FLG: variants seen among roughly 807,000 people sequenced by gnomAD.
FLG encodes filaggrin, also known as epidermal filaggrin.
In FLG, 6 loss-of-function variants were observed where a neutral mutation model predicts 3.8. That is an observed-to-expected ratio of 1.60 (90% CI 0.87 to 3.15). The LOEUF is 3.15. Ranked by LOEUF, FLG falls within the 30% of genes most tolerant of loss-of-function variation. The pLI, the probability that FLG is intolerant of heterozygous loss-of-function variation, is 0.00. For synonymous variants in FLG, 2,551 were observed against 1,931.6 expected, an observed-to-expected ratio of 1.32 and a Z score of -8.41; for missense variants, 7,595 against 5,050.9, an observed-to-expected ratio of 1.50 and a Z score of -15.27.
In FLG at chr1:152,304,516, G is replaced by T. The variant is rs1293043005; in HGVS notation, c.10370C>A (p.Ser3457Tyr). ...GSHYEQSVDR[S>Y]GHSGSHHSHT... ...GCTGTGATGGGACCCTGAGTGTCCA[G>T]ACCTATCTACCGATTGCTCGTAGTG... Residue 3457 changes from serine to tyrosine, a missense_variant, in exon 3 of 3, where the codon TCT becomes TAT. Transcript: ENST00000368799. 1.2e-6 allele frequency: 2 copies of T among 1,612,620 alleles called. No homozygotes were observed. The highest frequency in any genetic ancestry group is 1.7e-5 in the Admixed American group (1 of 59,880).
At position 152,313,886 on chromosome 1, in the gene FLG, TG is replaced by T; in HGVS notation, c.999del (p.Arg334AspfsTer112). On this transcript the variant is annotated frameshift_variant, in exon 3 of 3. Transcript: ENST00000368799. LOFTEE classifies it low-confidence loss of function (END_TRUNC). ...TCTTCATCATGGGACCTGGGGTGTC[TG>T]GAGCCATCTCTTGACTGCTCCCACG... ...GSAWEQSRDG[S>X]RHPRSHDEDR... 1 of 1,614,056 alleles carries T rather than the reference TG, an allele frequency of 6.2e-7. No homozygotes were observed. The highest frequency in any genetic ancestry group is 8.5e-7 in the Non-Finnish European group (1 of 1,179,988).
At position 152,304,631 on chromosome 1, in the gene FLG, G is replaced by C. The variant is rs143418984; in HGVS notation, c.10255C>G (p.Arg3419Gly). Residue 3419 changes from arginine (R) to glycine (G), a missense_variant, in exon 3 of 3, where the codon CGA (arginine) becomes GGA (glycine). Transcript: ENST00000368799. Reference protein sequence around the residue: ...RRQGSHHEQARDSSRHSASQE... With the variant: ...RRQGSHHEQAGDSSRHSASQE... Reference sequence around the variant, plus strand: ...GACGCTGAGTGCCTGGAGCTGTCTCGTGCCTGCTCGTGGTGGGATCCTTGT... The same window carrying C: ...GACGCTGAGTGCCTGGAGCTGTCTCCTGCCTGCTCGTGGTGGGATCCTTGT... 1.1e-5 allele frequency: 17 copies of C among 1,612,388 alleles called. No homozygotes were observed. The highest frequency in any genetic ancestry group is 2.2e-5 in the East Asian group (1 of 44,592).
chr1:152,311,649 C>T lies in FLG; in HGVS notation c.3237G>A (p.Glu1079=), dbSNP rs146139331. ...SQASDSEGHS[E]ESDTQSVSGH... The stretch of plus-strand genomic sequence containing the variant: ...CTGACACTGACTGTGTGTCTGACTC[C>T]TCTGAATGTCCCTCACTATCACTGG... Residue 1079 remains glutamate, a synonymous_variant, in exon 3 of 3, where the codon GAG becomes GAA. Coordinates refer to ENST00000368799, the MANE Select transcript of FLG (RefSeq NM_002016.2). 688 of 1,613,950 alleles carry T rather than the reference C, an allele frequency of 4.3e-4. 1 individual carries two copies. The highest frequency in any genetic ancestry group is 5.2e-4 in the Non-Finnish European group (614 of 1,179,978).
chr1:152,316,662 A>G (rs1194323392), intron 1 of FLG, among the ~76,000 whole-genome samples: 12 of 152,138 alleles, frequency 7.9e-5, no homozygotes, highest in Non-Finnish European at 4.4e-5. Context: ...TTATGATGAT[A>G]TTGTATTCTC....
Position 152,303,880 on chromosome 1 carries a change from C to A in FLG, c.11006G>T (p.Gly3669Val), listed in dbSNP as rs1272028425. The A allele has an allele frequency of 6.2e-7, 1 of 1,613,836 alleles. No homozygotes were observed. Among genetic ancestry groups the A allele is most frequent in the East Asian group, 2.2e-5 (1 of 44,754 alleles). Residue 3669 changes from glycine to valine, a missense_variant, in exon 3 of 3, where the codon GGA becomes GTA. Gly to Val is a moderately radical substitution (Grantham distance 109). Transcript: ENST00000368799. Reference protein sequence around the residue: ...SSGSQASDSEGHSEDSDTQSV... With the variant: ...SSGSQASDSEVHSEDSDTQSV... ...CTGTGTGTCTGAGTCTTCTGAATGTCCCTCACTGTCACTGGCCTGACTACC... is the reference window on the plus strand; with the variant it reads ...CTGTGTGTCTGAGTCTTCTGAATGTACCTCACTGTCACTGGCCTGACTACC...
chr1:152,303,420 G>A lies in FLG; in HGVS notation c.11466C>T (p.Gly3822=). 6.2e-7 allele frequency: 1 copy of A among 1,614,114 alleles called. No individual in the cohort carries two copies. Among genetic ancestry groups the A allele is most frequent in the South Asian group, 1.1e-5 (1 of 91,082 alleles). The change falls in exon 3 of 3, where the codon GGC becomes GGT. Residue 3822 remains glycine (G), a synonymous_variant. Transcript: ENST00000368799. ...GGTGACGCGACCCTGAGTGCCTGGA[G>A]CCGTCTCCTGACTGTTCCTCATTAC... ...ETRNEEQSGD[G]SRHSGSRHHE... is the part of the protein sequence containing the mutation.
chr1:152,303,673 C>G lies in FLG; in HGVS notation c.11213G>C (p.Arg3738Pro), dbSNP rs77422831. 1 of 1,613,696 alleles carries G rather than the reference C, an allele frequency of 6.2e-7. No individual in the cohort carries two copies. Among genetic ancestry groups the G allele is most frequent in the Admixed American group, 1.7e-5 (1 of 59,966 alleles). Residue 3738 changes from arginine to proline, a missense_variant, in exon 3 of 3, where the codon CGC (arginine) becomes CCC (proline). Arg to Pro is a moderately radical substitution (Grantham distance 103). Coordinates refer to ENST00000368799, the MANE Select transcript of FLG (RefSeq NM_002016.2). The stretch of plus-strand genomic sequence containing the variant: ...GGAGCTGTCTCGTGCCTGCTCGTGG[C>G]GGGATCCTTGTCTTCCTCCAGTACT... ...GPSTGGRQGS[R>P]HEQARDSSRH...
In FLG at chr1:152,311,742, G is replaced by A; in HGVS notation, c.3144C>T (p.Gly1048=). The change falls in exon 3 of 3, where the codon GGC becomes GGT. Residue 1048 remains glycine (G), a synonymous_variant. Transcript: ENST00000368799. ...QQSADSSRHS[G]IPRRQASSAV... ...CAGATGAAGCTTGTCTGCGCGGAAT[G>A]CCTGAGTGTCTGGAGCTGTCTGCTG... 1.2e-6 allele frequency: 2 copies of A among 1,614,032 alleles called. No homozygotes were observed. Among genetic ancestry groups the A allele is most frequent in the Non-Finnish European group, 1.7e-6 (2 of 1,180,000 alleles).
chr1:152,306,322 C>G lies in FLG; in HGVS notation c.8564G>C (p.Gly2855Ala), dbSNP rs767814906. The change falls in exon 3 of 3, where the codon GGG (glycine) becomes GCG (alanine). Residue 2855 changes from glycine to alanine, a missense_variant. Coordinates refer to ENST00000368799, the MANE Select transcript of FLG (RefSeq NM_002016.2). ...EQSGDGSRHS[G>A]SRHHEASTHA... Reference sequence around the variant, plus strand: ...AGTGGAAGCTTCATGGTGACGCGACCCTGAGTGCCTGGAGCCGTCTCCTGA... The same window carrying G: ...AGTGGAAGCTTCATGGTGACGCGACGCTGAGTGCCTGGAGCCGTCTCCTGA... 1.2e-6 allele frequency: 2 copies of G among 1,602,540 alleles called. No homozygotes were observed. Among genetic ancestry groups the G allele is most frequent in the Non-Finnish European group, 1.7e-6 (2 of 1,179,770 alleles).
Position 152,304,704 on chromosome 1 carries a change from T to G in FLG, c.10182A>C (p.Glu3394Asp), listed in dbSNP as rs769473061. 6.2e-7 allele frequency: 1 copy of G among 1,613,222 alleles called. No individual in the cohort carries two copies. Among genetic ancestry groups the G allele is most frequent in the Non-Finnish European group, 8.5e-7 (1 of 1,179,806 alleles). The change falls in exon 3 of 3, where the codon GAA becomes GAC. Residue 3394 changes from glutamate to aspartate, a missense_variant. By Grantham distance (45) the Glu-to-Asp change is conservative. Transcript: ENST00000368799. ...GSFLYQVSTH[E>D]QSESAHGRTR... ...TCCGCCCATGGGCAGACTCAGACTGTTCATGAGTGCTCACCTGGTAGAGGA... is the reference window on the plus strand; with the variant it reads ...TCCGCCCATGGGCAGACTCAGACTGGTCATGAGTGCTCACCTGGTAGAGGA...
At position 152,308,440 on chromosome 1, in the gene FLG, C is replaced by T. The variant is rs1161861110; in HGVS notation, c.6446G>A (p.Arg2149Lys). 1.2e-6 allele frequency: 2 copies of T among 1,613,744 alleles called. No individual in the cohort carries two copies. The highest frequency in any genetic ancestry group is 4.5e-5 in the East Asian group (2 of 44,882). ...RGHPGPSRGG[R>K]QGSHQEQSVD... is the part of the protein sequence containing the mutation. ...CGATTGCTCTTGGTGGGACCCCTGT[C>T]TTCCTCCTCTGCTTGGCCCCGGGTG... is the stretch of plus-strand genomic sequence containing the variant. Residue 2149 changes from arginine to lysine, a missense_variant, in exon 3 of 3, where the codon AGA becomes AAA. By Grantham distance (26) the Arg-to-Lys change is conservative. Transcript: ENST00000368799.
Position 152,312,326 on chromosome 1 carries a change from C to T in FLG, c.2560G>A (p.Gly854Arg). 1 of 1,613,260 alleles carries T rather than the reference C, an allele frequency of 6.2e-7. No homozygotes were observed. Among genetic ancestry groups the T allele is most frequent in the Non-Finnish European group, 8.5e-7 (1 of 1,179,818 alleles). ...TCTACCGATTGCTCGTGGTGGGACC[C>T]CTGCCTTCCTCTTCTGCTTGACCCC... is the stretch of plus-strand genomic sequence containing the variant. ...HPGSSRRGRQ[G>R]SHHEQSVDRS... Residue 854 changes from glycine to arginine, a missense_variant, in exon 3 of 3, where the codon GGG becomes AGG. Transcript: ENST00000368799.
Position 152,307,595 on chromosome 1 carries a change from T to C in FLG, c.7291A>G (p.Thr2431Ala). Residue 2431 changes from threonine (T) to alanine (A), a missense_variant, in exon 3 of 3, where the codon ACC becomes GCC. Coordinates refer to ENST00000368799, the MANE Select transcript of FLG (RefSeq NM_002016.2). ...HEQSESAHGR[T>A]GTSTGGRQGS... is the part of the protein sequence containing the mutation. ...TGTCTTCCTCCAGTGCTGGTCCCGG[T>C]CCGTCCATGGGCGGACTCAGACTGT... 6.2e-7 allele frequency: 1 copy of C among 1,613,574 alleles called. No homozygotes were observed. Among genetic ancestry groups the C allele is most frequent in the Middle Eastern group, 1.7e-4 (1 of 6,056 alleles).
In FLG at chr1:152,309,417, T is replaced by G; in HGVS notation, c.5469A>C (p.Gly1823=). 1 of 1,613,268 alleles carries G rather than the reference T, an allele frequency of 6.2e-7. No individual in the cohort carries two copies. The highest frequency in any genetic ancestry group is 8.5e-7 in the Non-Finnish European group (1 of 1,179,906). ...IRGHPGSSRG[G]RQGSHYEQSV... The stretch of plus-strand genomic sequence containing the variant: ...ATTGCTCATAGTGGGATCCCTGCCT[T>G]CCTCCTCTGCTTGACCCTGGGTGTC... The change falls in exon 3 of 3, where the codon GGA becomes GGC. Residue 1823 remains glycine (G), a synonymous_variant. Transcript: ENST00000368799.
Position 152,304,512 on chromosome 1 carries a change from T to C in FLG, c.10374A>G (p.Gly3458=), listed in dbSNP as rs1651806517. The C allele has an allele frequency of 1.1e-5, 18 of 1,612,750 alleles. No homozygotes were observed. Among genetic ancestry groups the C allele is most frequent in the Non-Finnish European group, 1.3e-5 (15 of 1,179,586 alleles). ...SHYEQSVDRS[G]HSGSHHSHTT... is the part of the protein sequence containing the mutation. ...TGTGGCTGTGATGGGACCCTGAGTG[T>C]CCAGACCTATCTACCGATTGCTCGT... The change falls in exon 3 of 3, where the codon GGA becomes GGG. Residue 3458 remains glycine, a synonymous_variant. Transcript: ENST00000368799.
In FLG at chr1:152,313,865, C is replaced by A; in HGVS notation, c.1021G>T (p.Glu341Ter). ...GAGTGCCCATGACTGGCTCTGTCTTCATCATGGGACCTGGGGTGTCTGGAG... is the reference window on the plus strand; with the variant it reads ...GAGTGCCCATGACTGGCTCTGTCTTAATCATGGGACCTGGGGTGTCTGGAG... ...DGSRHPRSHD[E>*]DRASHGHSAD... Residue 341 changes from glutamate to a stop codon, truncating the protein, a stop_gained, in exon 3 of 3, where the codon GAA (glutamate) becomes TAA (stop). Transcript: ENST00000368799. LOFTEE classifies it low-confidence loss of function (END_TRUNC). 6.2e-7 allele frequency: 1 copy of A among 1,614,026 alleles called. No homozygotes were observed. Among genetic ancestry groups the A allele is most frequent in the Non-Finnish European group, 8.5e-7 (1 of 1,179,952 alleles).
At position 152,312,283 on chromosome 1, in the gene FLG, C is replaced by T. The variant is rs760204561; in HGVS notation, c.2603G>A (p.Gly868Glu). 9.9e-6 allele frequency: 16 copies of T among 1,613,722 alleles called. No individual in the cohort carries two copies. The highest frequency in any genetic ancestry group is 1.4e-5 in the Non-Finnish European group (16 of 1,179,928). Residue 868 changes from glycine to glutamate, a missense_variant, in exon 3 of 3, where the codon GGG (glycine) becomes GAG (glutamate). Transcript: ENST00000368799. ...EQSVDRSGHS[G>E]SHHSHTTSQG... Reference sequence around the variant, plus strand: ...GGATGTGGTGTGGCTGTGATGGGACCCTGAGTGTCCAGACCTATCTACCGA... The same window carrying T: ...GGATGTGGTGTGGCTGTGATGGGACTCTGAGTGTCCAGACCTATCTACCGA...
Position 152,303,344 on chromosome 1 carries a change from C to G in FLG, c.11542G>C (p.Gly3848Arg), listed in dbSNP as rs373589596. 1 of 1,614,128 alleles carries G rather than the reference C, an allele frequency of 6.2e-7. No individual in the cohort carries two copies. Among genetic ancestry groups the G allele is most frequent in the Non-Finnish European group, 8.5e-7 (1 of 1,180,028 alleles). Residue 3848 changes from glycine (G) to arginine (R), a missense_variant, in exon 3 of 3, where the codon GGT (glycine) becomes CGT (arginine). Physicochemically the swap from Gly to Arg is moderately radical, Grantham distance 125. Transcript: ENST00000368799. Reference protein sequence around the residue: ...DSSRHSQSGQGESAGSRRSRR... With the variant: ...DSSRHSQSGQRESAGSRRSRR... ...CTTCTCCTGGACCCCGCTGATTCAC[C>G]CTGGCCGGACTGTGAGTGTCTAGAG... is the stretch of plus-strand genomic sequence containing the variant.
At position 152,305,382 on chromosome 1, in the gene FLG, C is replaced by G. The variant is rs1011724004; in HGVS notation, c.9504G>C (p.Glu3168Asp). The part of the protein sequence containing the change: ...SRSASRTTRN[E>D]EQSGDSSRHS... ...GCCTGGAGCTGTCTCCTGATTGTTC[C>G]TCATTACGTGTTGTTCTGCTTGCAC... Residue 3168 changes from glutamate to aspartate, a missense_variant, in exon 3 of 3, where the codon GAG becomes GAC. Glu to Asp is a conservative substitution (Grantham distance 45). Transcript: ENST00000368799. 6.8e-6 allele frequency: 11 copies of G among 1,606,422 alleles called. No homozygotes were observed. Among genetic ancestry groups the G allele is most frequent in the Non-Finnish European group, 9.3e-6 (11 of 1,178,818 alleles).
Sources: allele counts gnomAD v4.1 joint callset (sites outside exome capture counted in the v4.1 genomes callset), GRCh38; gene constraint gnomAD v4.1.1; transcripts MANE v1.5; gene names NCBI Gene and HGNC (gene_info 2026-07-23, HGNC 2026-07-21).